PRODH2: variants seen among roughly 807,000 people sequenced by gnomAD.
PRODH2 encodes the protein proline dehydrogenase 2.
Under a neutral mutation model 51.9 loss-of-function variants are expected in PRODH2, and 49 were observed. The ratio of observed to expected loss-of-function variants is 0.94; its 90% CI spans 0.75 to 1.20. The LOEUF (loss-of-function observed/expected upper bound fraction) is 1.20, where lower values mean the gene tolerates loss of function less well. PRODH2 is among the 50% of genes most tolerant of loss of function. The pLI, the probability that PRODH2 is intolerant of heterozygous loss-of-function variation, is 0.00. For synonymous variants in PRODH2, 249 were observed against 260.7 expected (o/e 0.96, Z 0.43); for missense variants, 597 against 610.9 (o/e 0.98, Z 0.24).
At position 35,811,965 on chromosome 19, in the gene PRODH2, C is replaced by T; in HGVS notation, c.594G>A (p.Gly198=). Residue 198 remains glycine (G), a synonymous_variant, in exon 4 of 10, where the codon GGG becomes GGA. Coordinates refer to ENST00000653904, the MANE Select transcript of PRODH2 (RefSeq NM_021232.2). ...CAGTCCCGCTTGAGATCCTTACCTG[C>T]CCAGAGTCCATAGCTTCAGCCAGCC... ...PERLAEAMDS[G]QNLQVSCLNA... is the part of the protein sequence containing the mutation. 6.2e-7 allele frequency: 1 copy of T among 1,613,978 alleles called. No individual in the cohort carries two copies. Among genetic ancestry groups the T allele is most frequent in the Non-Finnish European group, 8.5e-7 (1 of 1,179,864 alleles).
intron 7 of PRODH2, among the ~76,000 whole-genome samples, chr19:35,805,105 G>A (rs545435624): frequency 6.6e-6 from 1 of 152,144 alleles, no homozygotes; most frequent in East Asian, 1.9e-4. Flanking sequence ...ACTGCTCATT[G>A]GTATGAGGTT....
At chr19:35,810,668 G>A (rs1424553093) in intron 4 of PRODH2, among the ~76,000 whole-genome samples, 1 of 152,080 alleles carries the variant, frequency 6.6e-6, no homozygotes, top group Non-Finnish European at 1.5e-5. Flanking sequence ...CTACAGGTGT[G>A]TGCCACCACG....
At position 35,807,040 on chromosome 19, in the gene PRODH2, C is replaced by A. The variant is rs1475061418; in HGVS notation, c.678+1G>T. ...GTGCTGGTTCCAGCAGGAGGGGTTA[C>A]CTGTGCCACCCGATGCAGGCGGCTG... On this transcript the variant is annotated splice_donor_variant, in intron 5 of 9. Coordinates refer to ENST00000653904, the MANE Select transcript of PRODH2 (RefSeq NM_021232.2). LOFTEE classifies it high-confidence loss of function. 10 of 1,550,988 alleles carry A rather than the reference C, an allele frequency of 6.4e-6. No individual in the cohort carries two copies. The highest frequency in any genetic ancestry group is 8.7e-6 in the Non-Finnish European group (10 of 1,147,242).
chr19:35,812,652 G>A lies in PRODH2; in HGVS notation c.154C>T (p.Leu52Phe). The change falls in exon 1 of 10, where the codon CTC becomes TTC. Residue 52 changes from leucine (L) to phenylalanine (F), a missense_variant. Transcript: ENST00000653904. ...CTCACCAACAGCCCGTGAGTGACGA[G>A]TGGGGGCCAGGCACACAGCCGGAGA... is the stretch of plus-strand genomic sequence containing the variant. ...LVLRLCAWPP[L>F]VTHGLLLQAW... The A allele has an allele frequency of 1.3e-6, 2 of 1,594,492 alleles. No individual in the cohort carries two copies. Among genetic ancestry groups the A allele is most frequent in the Admixed American group, 1.7e-5 (1 of 58,752 alleles).
In PRODH2 at chr19:35,804,674, C is replaced by T. The variant is rs1002624004; in HGVS notation, c.1002-1596G>A. On this transcript the variant is annotated intron_variant, in intron 7 of 9. Transcript: ENST00000653904. Reference sequence around the variant, plus strand: ...AGTTGTGGCTGGACATGCTGGCTTACGCCTATAATCCCAGCACTTGGGGAG... The same window carrying T: ...AGTTGTGGCTGGACATGCTGGCTTATGCCTATAATCCCAGCACTTGGGGAG... Among the ~76,000 whole-genome samples, 3 of 152,348 alleles carry T rather than the reference C, an allele frequency of 2.0e-5. 1 individual carries two copies. The highest frequency in any genetic ancestry group is 2.9e-5 in the Non-Finnish European group (2 of 68,036).
rs755650009 is a variant in PRODH2, at chr19:35,806,558, C to A, written c.873G>T (p.Ala291=). The A allele has an allele frequency of 2.5e-6, 4 of 1,614,014 alleles. No individual in the cohort carries two copies. The highest frequency in any genetic ancestry group is 3.4e-6 in the Non-Finnish European group (4 of 1,180,038). The change falls in exon 7 of 10, where the codon GCG becomes GCT. Residue 291 remains alanine, a synonymous_variant. Transcript: ENST00000653904. ...FERLGRDAEA[A]HRAGLAFGVK... ...CTCCGAAGGCCAGGCCGGCCCTGTG[C>A]GCAGCCTCTGCATCCCTCCCCAGCC...
At chr19:35,809,527 C>G (rs10427023) in intron 4 of PRODH2, among the ~76,000 whole-genome samples, 2,749 of 152,164 alleles carry the variant, frequency 0.018, 72 homozygotes, top group African/African-American at 0.059. Context: ...TGTTTTAATC[C>G]TTAAAACCAC....
intron 4 of PRODH2, among the ~76,000 whole-genome samples, chr19:35,811,197 GC>G (rs1433143885): frequency 6.6e-6 from 1 of 151,810 alleles, no homozygotes; most frequent in African/African-American, 2.4e-5. Flanking sequence ...GGGAAAATAT[GC>G]CCCCCACGAA....
chr19:35,808,968 T>C (rs1004439346), intron 4 of PRODH2, among the ~76,000 whole-genome samples: 59 of 151,908 alleles, frequency 3.9e-4, no homozygotes, highest in African/African-American at 1.4e-3. Context: ...TTAGTAGAGA[T>C]GGGGTTTCAC....
intron 4 of PRODH2, among the ~76,000 whole-genome samples, chr19:35,810,260 AAATAAT>A (rs10676244): frequency 0.02 from 2,853 of 143,228 alleles, 87 homozygotes; most frequent in African/African-American, 0.063. Context: ...CTCTGTCTTA[AAATAAT>A]AATAATAATA....
At chr19:35,809,623 A>G (rs1436977828) in intron 4 of PRODH2, among the ~76,000 whole-genome samples, 3 of 152,284 alleles carry the variant, frequency 2.0e-5, no homozygotes, top group African/African-American at 7.2e-5. Context: ...TGATTTTCTG[A>G]ACCATGAAAT....
intron 4 of PRODH2, among the ~76,000 whole-genome samples, chr19:35,811,436 GAATA>G (rs201463720): frequency 1.1e-5 from 1 of 91,044 alleles, no homozygotes; most frequent in Non-Finnish European, 2.0e-5. Flanking sequence ...AGGAAGGAAG[GAATA>G]AAGGAAGGAA....
intron 4 of PRODH2, among the ~76,000 whole-genome samples, chr19:35,808,972 G>T (rs1473480022): frequency 6.6e-6 from 1 of 151,994 alleles, no homozygotes; most frequent in Non-Finnish European, 1.5e-5. Context: ...TAGAGATGGG[G>T]TTTCACCATG....
At chr19:35,804,698 A>G (rs538164727) in intron 7 of PRODH2, among the ~76,000 whole-genome samples, 1 of 152,354 alleles carries the variant, frequency 6.6e-6, no homozygotes, top group Non-Finnish European at 1.5e-5. Flanking sequence ...GCACTTGGGG[A>G]GGCCAAGGCA....
In PRODH2 at chr19:35,800,030, C is replaced by G. The variant is rs1445276551; in HGVS notation, c.*8G>C. The G allele has an allele frequency of 6.2e-7, 1 of 1,608,416 alleles. No individual in the cohort carries two copies. The highest frequency in any genetic ancestry group is 1.1e-5 in the South Asian group (1 of 90,224). On this transcript the variant is annotated 3_prime_UTR_variant, in exon 10 of 10. Transcript: ENST00000653904. ...ACTTTTATTGACCACATGACCCCCT[C>G]AGGGGTGCTAGTGGGGTATCCTTCG...
Sources: allele counts gnomAD v4.1 joint callset (sites outside exome capture counted in the v4.1 genomes callset), GRCh38; gene constraint gnomAD v4.1.1; transcripts MANE v1.5; gene names NCBI Gene and HGNC (gene_info 2026-07-23, HGNC 2026-07-21).